SCOC: variants seen among roughly 807,000 people sequenced by gnomAD.
SCOC encodes short coiled coil protein.
A neutral mutation model predicts 9.9 loss-of-function variants in SCOC; 7 were observed. That is an observed-to-expected ratio of 0.71 (90% confidence interval 0.40 to 1.33). The LOEUF is 1.33. Among genes scored for constraint, SCOC ranks in the 40% most tolerant of loss-of-function variants. SCOC has a pLI of 0.01. For missense variants in SCOC, 66 were observed against 89.7 expected (o/e 0.74, Z 1.07); for synonymous variants, 19 against 28.2 (o/e 0.67, Z 1.03).
chr4:140,363,263 C>A (rs546733336), intron 2 of SCOC, among the ~76,000 whole-genome samples: 2 of 152,152 alleles, frequency 1.3e-5, no homozygotes, highest in Non-Finnish European at 2.9e-5. Flanking sequence ...CGCCAGCATT[C>A]ATGAAACAGG....
chr4:140,314,129 AG>A (rs373971743), intron 1 of SCOC: 66 of 164,824 alleles, frequency 4.0e-4, no homozygotes, highest in South Asian at 1.6e-3. Flanking sequence ...AAAAAAAAAA[AG>A]AATGCATATG....
intron 1 of SCOC, 35 bp downstream of exon 1, chr4:140,373,752 C>G: frequency 6.5e-7 from 1 of 1,533,450 alleles, no homozygotes; most frequent in Non-Finnish European, 8.8e-7. Flanking sequence ...GGGCCTGGCC[C>G]CAGGCGACTA....
intron 1 of SCOC, 28 bp downstream of exon 1, chr4:140,373,745 C>T: frequency 6.5e-7 from 1 of 1,538,234 alleles, no homozygotes; most frequent in South Asian, 1.2e-5. Context: ...CAGCGGAGGG[C>T]CTGGCCCCAG....
At chr4:140,330,894 A>C (rs1256806256) in intron 1 of SCOC, among the ~76,000 whole-genome samples, 1 of 152,216 alleles carries the variant, frequency 6.6e-6, no homozygotes, top group Non-Finnish European at 1.5e-5. Flanking sequence ...GTTTGTGCCC[A>C]TTGGGATGAA....
intron 1 of SCOC, among the ~76,000 whole-genome samples, chr4:140,331,780 C>T (rs1456790998): frequency 6.6e-6 from 1 of 152,188 alleles, no homozygotes; most frequent in East Asian, 1.9e-4. Context: ...CCAGACTCAT[C>T]TTCACCTGCT....
chr4:140,366,985 C>T (rs977493468), intron 2 of SCOC: 4 of 429,404 alleles, frequency 9.3e-6, no homozygotes, highest in Admixed American at 7.1e-5. Flanking sequence ...GTGGGTGGAT[C>T]GCTTGAGGTC....
chr4:140,358,297 T>A (rs539671558), intron 2 of SCOC, among the ~76,000 whole-genome samples: 1 of 152,380 alleles, frequency 6.6e-6, no homozygotes, highest in African/African-American at 2.4e-5. Flanking sequence ...TCATTGCTGC[T>A]AAGTCCATTA....
intron 1 of SCOC, among the ~76,000 whole-genome samples, chr4:140,330,105 T>C (rs1732768556): frequency 6.6e-6 from 1 of 152,330 alleles, no homozygotes; most frequent in East Asian, 1.9e-4. Context: ...TATGTATATA[T>C]ATACCATTTA....
chr4:140,352,470 A>G (rs1013390788), intron 2 of SCOC, among the ~76,000 whole-genome samples: 1 of 152,198 alleles, frequency 6.6e-6, no homozygotes. Context: ...GAGATTCAAT[A>G]AGAAAAAGGA....
At chr4:140,365,286 T>C (rs1341348018) in intron 2 of SCOC, among the ~76,000 whole-genome samples, 2 of 151,980 alleles carry the variant, frequency 1.3e-5, no homozygotes, top group Non-Finnish European at 2.9e-5. Flanking sequence ...TGGTGGAGAT[T>C]GGTGCTTTCA....
chr4:140,271,023 T>C, intron 1 of SCOC, among the ~76,000 whole-genome samples: 1 of 152,190 alleles, frequency 6.6e-6, no homozygotes, highest in Admixed American at 6.5e-5. Flanking sequence ...TAATTAAGCA[T>C]ACATGTGGGC....
intron 1 of SCOC, among the ~76,000 whole-genome samples, chr4:140,318,793 C>T (rs1471857758): frequency 1.4e-4 from 21 of 151,748 alleles, no homozygotes; most frequent in African/African-American, 2.9e-4. Context: ...ATGTTTATTG[C>T]GGCATTATTC....
intron 2 of SCOC, among the ~76,000 whole-genome samples, chr4:140,362,288 T>C (rs866514851): frequency 3.8e-5 from 1 of 26,294 alleles, no homozygotes; most frequent in African/African-American, 2.6e-4. Context: ...CTTCTTCTTC[T>C]TCTTCTTCTT....
chr4:140,381,264 T>C lies in SCOC; in HGVS notation c.*160T>C, dbSNP rs1344757900. On this transcript the variant is annotated 3_prime_UTR_variant, in exon 4 of 4. Transcript: ENST00000608372. ...ATAACACAATAACAGGAGACTTCCA[T>C]AAGTTTGTGTATTATGTTAGTCTAT... 3 of 616,646 alleles carry C rather than the reference T, an allele frequency of 4.9e-6. No homozygotes were observed. Among genetic ancestry groups the C allele is most frequent in the Non-Finnish European group, 8.0e-6 (3 of 372,950 alleles). 38.2% of individuals were successfully genotyped at this position (616,646 alleles called of 1,614,324 possible).
intron 1 of SCOC, among the ~76,000 whole-genome samples, chr4:140,302,350 C>A (rs565566288): frequency 6.6e-6 from 1 of 152,006 alleles, no homozygotes; most frequent in South Asian, 2.1e-4. Context: ...TACTACAGAC[C>A]CAGGGATAAA....
At chr4:140,264,191 T>TG (rs1730688733) in intron 1 of SCOC, among the ~76,000 whole-genome samples, 2 of 151,980 alleles carry the variant, frequency 1.3e-5, no homozygotes, top group South Asian at 2.1e-4. Flanking sequence ...TTTTTAGAGA[T>TG]GGGGGTCTCA....
intron 1 of SCOC, among the ~76,000 whole-genome samples, chr4:140,307,367 G>A (rs947774957): frequency 2.6e-5 from 4 of 152,206 alleles, no homozygotes; most frequent in Admixed American, 2.0e-4. Flanking sequence ...TCTTTGAGCA[G>A]TCTGAGGTTC....
chr4:140,298,233 G>C (rs1027334959), intron 1 of SCOC, among the ~76,000 whole-genome samples: 4 of 152,132 alleles, frequency 2.6e-5, no homozygotes, highest in Non-Finnish European at 5.9e-5. Flanking sequence ...TGGGCTCTTC[G>C]CATCCAGCTC....
At chr4:140,261,323 C>T (rs796328641) in intron 1 of SCOC, among the ~76,000 whole-genome samples, 4 of 152,312 alleles carry the variant, frequency 2.6e-5, no homozygotes, top group African/African-American at 9.6e-5. Flanking sequence ...AAAATGCCAT[C>T]ACCCCACCAC....
Sources: allele counts gnomAD v4.1 joint callset (sites outside exome capture counted in the v4.1 genomes callset), GRCh38; gene constraint gnomAD v4.1.1; transcripts MANE v1.5; gene names NCBI Gene and HGNC (gene_info 2026-07-23, HGNC 2026-07-21).